DCDC1: variants seen among roughly 807,000 people sequenced by gnomAD.
DCDC1 encodes the protein doublecortin domain containing 1.
DCDC1 carries 200 observed loss-of-function variants against 178.3 expected under a neutral mutation model. The observed-to-expected ratio is 1.12, with a 90% CI of 1.00 to 1.26. The LOEUF (loss-of-function observed/expected upper bound fraction) is 1.26, where lower values mean the gene tolerates loss of function less well. Among genes scored for constraint, DCDC1 ranks in the 50% most tolerant of loss-of-function variants. The pLI is 0.00. For missense variants in DCDC1, 1,983 were observed against 1,749.2 expected (o/e 1.13, Z -2.38); for synonymous variants, 690 against 604.8 (o/e 1.14, Z -2.07).
At chr11:30,997,013 T>A (rs1951311727) in intron 20 of DCDC1, among the ~76,000 whole-genome samples, 1 of 152,202 alleles carries the variant, frequency 6.6e-6, no homozygotes, top group Non-Finnish European at 1.5e-5. Context: ...TATAAAGGAA[T>A]GAGCTGTTGC....
intron 10 of DCDC1, among the ~76,000 whole-genome samples, chr11:31,128,802 A>G (rs1227930167): frequency 6.6e-6 from 1 of 152,158 alleles, no homozygotes; most frequent in African/African-American, 2.4e-5. Flanking sequence ...GTAAGTGGCC[A>G]ATGTACTGGT....
chr11:30,896,567 GT>G (rs1159383096), intron 34 of DCDC1, among the ~76,000 whole-genome samples: 1 of 152,176 alleles, frequency 6.6e-6, no homozygotes, highest in Non-Finnish European at 1.5e-5. Flanking sequence ...ACAATCTGGG[GT>G]TTCAGTTAGC....
intron 1 of DCDC1, among the ~76,000 whole-genome samples, chr11:31,339,735 T>C (rs1410225365): frequency 5.9e-5 from 9 of 152,172 alleles, no homozygotes; most frequent in Non-Finnish European, 1.0e-4. Flanking sequence ...AGCAGCAACA[T>C]TGTAATCACA....
chr11:31,102,129 T>C, intron 15 of DCDC1, 48 bp downstream of exon 15: 1 of 600,852 alleles, frequency 1.7e-6, no homozygotes, highest in Non-Finnish European at 3.1e-6. Context: ...TGGTTGAGTG[T>C]CCAATACATA....
intron 9 of DCDC1, among the ~76,000 whole-genome samples, chr11:31,213,102 T>TCTCTCTCTCTCTCTCC (rs1972866653): frequency 3.1e-4 from 4 of 13,012 alleles, no homozygotes; most frequent in African/African-American, 6.7e-4. Flanking sequence ...AAGCCCAGCC[T>TCTCTCTCTCTCTCTCC]CTCTCTCTCT....
At chr11:31,261,565 TA>T (rs1300369866) in intron 8 of DCDC1, among the ~76,000 whole-genome samples, 1 of 152,176 alleles carries the variant, frequency 6.6e-6, no homozygotes, top group African/African-American at 2.4e-5. Context: ...ATATAACATT[TA>T]CACAGTATTA....
chr11:30,926,092 T>G (rs967758141), intron 22 of DCDC1, among the ~76,000 whole-genome samples: 3 of 152,020 alleles, frequency 2.0e-5, no homozygotes, highest in Admixed American at 2.0e-4. Context: ...GGTGAGCAAT[T>G]GAAGTGTAAT....
chr11:31,257,744 G>A (rs1250842518), intron 8 of DCDC1, among the ~76,000 whole-genome samples: 14 of 139,248 alleles, frequency 1.0e-4, no homozygotes, highest in African/African-American at 3.0e-4. Flanking sequence ...ATACACACAC[G>A]CTAAAACCTG....
chr11:31,088,781 A>G (rs934085392), intron 17 of DCDC1, among the ~76,000 whole-genome samples: 1 of 152,006 alleles, frequency 6.6e-6, no homozygotes, highest in African/African-American at 2.4e-5. Flanking sequence ...TAGTGGTGCA[A>G]TCATGGCTCA....
chr11:31,355,874 T>A (rs1178052748), intron 1 of DCDC1, among the ~76,000 whole-genome samples: 2 of 152,046 alleles, frequency 1.3e-5, no homozygotes, highest in Admixed American at 1.3e-4. Context: ...TGGCTGACGA[T>A]CTTAACTTTC....
intron 3 of DCDC1, among the ~76,000 whole-genome samples, chr11:31,322,433 T>G (rs545821453): frequency 1.3e-5 from 2 of 152,192 alleles, no homozygotes; most frequent in South Asian, 4.1e-4. Context: ...TATCCTACGA[T>G]CAGCTCCAGT....
chr11:31,198,124 T>A (rs1970893738), intron 9 of DCDC1, among the ~76,000 whole-genome samples: 1 of 152,070 alleles, frequency 6.6e-6, no homozygotes, highest in Admixed American at 6.6e-5. Context: ...GAGGCATATG[T>A]TATTATACCC....
intron 21 of DCDC1, among the ~76,000 whole-genome samples, chr11:30,940,944 A>G (rs1947599095): frequency 6.6e-6 from 1 of 152,150 alleles, no homozygotes; most frequent in South Asian, 2.1e-4. Context: ...TTGATTCTAA[A>G]TGTTTCCTTT....
chr11:30,915,427 C>A (rs1945761455), intron 27 of DCDC1, 84 bp downstream of exon 27: 1 of 1,425,916 alleles, frequency 7.0e-7, no homozygotes, highest in South Asian at 1.2e-5. Context: ...AGATATAGTT[C>A]ATCTTGTTCT....
intron 20 of DCDC1, among the ~76,000 whole-genome samples, chr11:31,028,615 C>G (rs1238178688): frequency 6.6e-6 from 1 of 152,016 alleles, no homozygotes; most frequent in East Asian, 1.9e-4. Context: ...TTCAAATAGA[C>G]TAGCAAATTT....
At chr11:31,030,761 C>G (rs888326138) in intron 20 of DCDC1, among the ~76,000 whole-genome samples, 2 of 152,118 alleles carry the variant, frequency 1.3e-5, no homozygotes, top group African/African-American at 4.8e-5. Context: ...AGACATTTAA[C>G]TTCCATCAAG....
intron 3 of DCDC1, among the ~76,000 whole-genome samples, chr11:31,316,098 A>C (rs967642295): frequency 6.3e-5 from 6 of 95,808 alleles, no homozygotes; most frequent in African/African-American, 3.6e-4. Context: ...TATTGTGAAT[A>C]GTGCCGCAAT....
At chr11:31,158,565 C>T (rs913744239) in intron 9 of DCDC1, among the ~76,000 whole-genome samples, 1 of 152,332 alleles carries the variant, frequency 6.6e-6, no homozygotes, top group Middle Eastern at 3.4e-3. Context: ...TCACTCTACT[C>T]TCTGCTTCTA....
intron 20 of DCDC1, among the ~76,000 whole-genome samples, chr11:30,994,497 G>T (rs1951144524): frequency 6.7e-6 from 1 of 149,584 alleles, no homozygotes; most frequent in Non-Finnish European, 1.5e-5. Flanking sequence ...TCACCATGTT[G>T]CCCAGGCTGG....
Sources: allele counts gnomAD v4.1 joint callset (sites outside exome capture counted in the v4.1 genomes callset), GRCh38; gene constraint gnomAD v4.1.1; transcripts MANE v1.5; gene names NCBI Gene and HGNC (gene_info 2026-07-23, HGNC 2026-07-21).